The following ALDH1A2 variants were observed in gnomAD, a reference collection of about 807,000 sequenced individuals.
The protein encoded by ALDH1A2 is retinal dehydrogenase 2.
A neutral mutation model predicts 60.3 loss-of-function variants in ALDH1A2; 27 were observed. The observed-to-expected ratio is 0.45, with a 90% confidence interval of 0.33 to 0.62. The LOEUF is 0.62. Among genes scored for constraint, ALDH1A2 ranks in the 20% least tolerant of loss-of-function variants. ALDH1A2 has a pLI of 0.02. For missense variants in ALDH1A2, 581 were observed against 643.8 expected (o/e 0.90, Z 1.06); for synonymous variants, 289 against 232.4 (o/e 1.24, Z -2.21).
intron 7 of ALDH1A2, among the ~76,000 whole-genome samples, chr15:57,986,957 A>C (rs1183653829): frequency 6.6e-6 from 1 of 152,192 alleles, no homozygotes; most frequent in African/African-American, 2.4e-5. Flanking sequence ...GCCCGGCCAC[A>C]GACAAGGATT....
intron 4 of ALDH1A2, among the ~76,000 whole-genome samples, chr15:58,007,043 C>T (rs1300268168): frequency 6.6e-6 from 1 of 151,808 alleles, no homozygotes; most frequent in East Asian, 1.9e-4. Context: ...ACATGTGTCA[C>T]ACAAGCTTCA....
intron 10 of ALDH1A2, among the ~76,000 whole-genome samples, chr15:57,961,527 G>C (rs1274453390): frequency 6.6e-6 from 1 of 152,160 alleles, no homozygotes; most frequent in Admixed American, 6.5e-5. Flanking sequence ...TGATTCCACT[G>C]TGTATACTAG....
At chr15:57,992,279 C>G (rs1375733024) in intron 7 of ALDH1A2, among the ~76,000 whole-genome samples, 1 of 152,168 alleles carries the variant, frequency 6.6e-6, no homozygotes, top group African/African-American at 2.4e-5. Flanking sequence ...GAGCCCTGCT[C>G]TATATCATCT....
intron 7 of ALDH1A2, among the ~76,000 whole-genome samples, chr15:57,984,817 G>A (rs1894641900): frequency 6.6e-6 from 1 of 152,150 alleles, no homozygotes; most frequent in African/African-American, 2.4e-5. Flanking sequence ...ATACTGCTGT[G>A]AACATTTTTG....
At chr15:58,061,459 CA>C (rs1218061926) in intron 1 of ALDH1A2, among the ~76,000 whole-genome samples, 3 of 151,084 alleles carry the variant, frequency 2.0e-5, no homozygotes, top group Admixed American at 6.6e-5. Context: ...ATAGAAAAAT[CA>C]AAAATAGCCA....
chr15:58,024,052 C>G (rs1896005787), intron 1 of ALDH1A2, among the ~76,000 whole-genome samples: 2 of 152,132 alleles, frequency 1.3e-5, no homozygotes, highest in African/African-American at 4.8e-5. Context: ...GAGATTGCAC[C>G]ATTGCACTCC....
chr15:57,992,105 A>T (rs569079911), intron 7 of ALDH1A2, among the ~76,000 whole-genome samples: 70 of 152,300 alleles, frequency 4.6e-4, no homozygotes, highest in African/African-American at 1.5e-3. Flanking sequence ...TAAAAATTCC[A>T]ATTTCCATGT....
chr15:57,969,726 T>C (rs552481314), intron 7 of ALDH1A2, among the ~76,000 whole-genome samples: 84 of 152,302 alleles, frequency 5.5e-4, no homozygotes, highest in Non-Finnish European at 1.0e-3. Flanking sequence ...CTGTATATGA[T>C]GTAATATAGA....
intron 7 of ALDH1A2, among the ~76,000 whole-genome samples, chr15:57,991,129 C>T (rs1477339635): frequency 6.6e-6 from 1 of 152,156 alleles, no homozygotes; most frequent in Non-Finnish European, 1.5e-5. Flanking sequence ...GACTTAAGAA[C>T]ATTTGCAAAG....
chr15:57,965,696 T>C, intron 8 of ALDH1A2, 29 bp downstream of exon 8: 1 of 1,500,706 alleles, frequency 6.7e-7, no homozygotes. Flanking sequence ...TGTGTGGTGG[T>C]TCATGTATGG....
At position 57,961,696 on chromosome 15, in the gene ALDH1A2, A is replaced by G. The variant is rs4646631; in HGVS notation, c.1251+316T>C. On this transcript the variant is annotated intron_variant, in intron 10 of 12. Transcript: ENST00000249750. ...CAGTGGATTCTCTCTCCTGGTTAAC[A>G]TCCCAGTGACCCACATTTAGGAGAG... Among the ~76,000 whole-genome samples the G allele has an allele frequency of 1.6e-3, 239 of 152,260 alleles. 3 individuals carry two copies. The East Asian group carries it at 0.035, about 22-fold the overall frequency.
chr15:58,065,435 C>T (rs1214205460), intron 1 of ALDH1A2, 99 bp downstream of exon 1: 2 of 1,073,738 alleles, frequency 1.9e-6, no homozygotes, highest in East Asian at 4.7e-5. Context: ...CCGACGACCC[C>T]GGCCCCGTCC....
chr15:57,997,539 C>T (rs1472141676), intron 4 of ALDH1A2, among the ~76,000 whole-genome samples: 1 of 151,746 alleles, frequency 6.6e-6, no homozygotes, highest in East Asian at 1.9e-4. Context: ...CATGTAGGAA[C>T]CTGGAATGGT....
intron 1 of ALDH1A2, among the ~76,000 whole-genome samples, chr15:58,025,322 A>G (rs1896049643): frequency 6.6e-6 from 1 of 152,172 alleles, no homozygotes; most frequent in African/African-American, 2.4e-5. Context: ...AATCAAACAA[A>G]ATCAGAATTG....
At chr15:57,961,047 T>C in intron 11 of ALDH1A2, 90 bp downstream of exon 11, 1 of 1,551,836 alleles carries the variant, frequency 6.4e-7, no homozygotes, top group Non-Finnish European at 8.8e-7. Flanking sequence ...GCTTTTGGTA[T>C]TCCCCATCCT....
chr15:57,995,781 T>C (rs1011961555), intron 4 of ALDH1A2, among the ~76,000 whole-genome samples: 1 of 152,094 alleles, frequency 6.6e-6, no homozygotes, highest in South Asian at 2.1e-4. Flanking sequence ...GAGAATGTCC[T>C]AGGGGCTAAA....
chr15:57,981,339 A>G (rs1323380831), intron 7 of ALDH1A2, among the ~76,000 whole-genome samples: 1 of 133,960 alleles, frequency 7.5e-6, no homozygotes. Flanking sequence ...GACACACACA[A>G]ACACTGACTG....
intron 1 of ALDH1A2, among the ~76,000 whole-genome samples, chr15:58,041,270 C>T (rs1300964791): frequency 6.6e-6 from 1 of 151,838 alleles, no homozygotes; most frequent in African/African-American, 2.4e-5. Context: ...ACTGTGTTTT[C>T]CATCAATAAT....
At chr15:57,993,393 T>C (rs1466447542) in intron 5 of ALDH1A2, among the ~76,000 whole-genome samples, 1 of 152,190 alleles carries the variant, frequency 6.6e-6, no homozygotes, top group African/African-American at 2.4e-5. Context: ...AGGCTTTGGT[T>C]CCAATAAGTT....
Sources: allele counts gnomAD v4.1 joint callset (sites outside exome capture counted in the v4.1 genomes callset), GRCh38; gene constraint gnomAD v4.1.1; transcripts MANE v1.5; gene names NCBI Gene and HGNC (gene_info 2026-07-23, HGNC 2026-07-21).